The following HDAC4 variants were observed in gnomAD, a reference collection of about 807,000 sequenced individuals.
HDAC4 encodes histone deacetylase 4, also known as histone deacetylase A.
Under a neutral mutation model 135.1 loss-of-function variants are expected in HDAC4, and 16 were observed. The ratio of observed to expected loss-of-function variants is 0.12; its 90% CI spans 0.08 to 0.18. The LOEUF (loss-of-function observed/expected upper bound fraction) is 0.18, where lower values mean the gene tolerates loss of function less well. HDAC4 is among the 10% of genes least tolerant of loss of function. The pLI, the probability that HDAC4 is intolerant of heterozygous loss-of-function variation, is 1.00. For missense variants in HDAC4, 1,143 were observed against 1,511.8 expected (o/e 0.76, Z 4.05); for synonymous variants, 685 against 653.4 (o/e 1.05, Z -0.74).
chr2:239,250,912 G>A (rs2048749503), intron 2 of HDAC4, among the ~76,000 whole-genome samples: 1 of 152,194 alleles, frequency 6.6e-6, no homozygotes, highest in Non-Finnish European at 1.5e-5. Flanking sequence ...CCCCTCTGCA[G>A]ACCCGGGGAA....
chr2:239,055,909 A>G (rs1376941598), intron 24 of HDAC4, among the ~76,000 whole-genome samples: 1 of 152,196 alleles, frequency 6.6e-6, no homozygotes, highest in Non-Finnish European at 1.5e-5. Context: ...CTGGGGCTGG[A>G]AAGACCACTG....
At position 239,373,231 on chromosome 2, in the gene HDAC4, C is replaced by G. The variant is rs558272723; in HGVS notation, c.-219-20313G>C. Among the ~76,000 whole-genome samples the G allele has an allele frequency of 5.3e-5, 8 of 152,292 alleles. No homozygotes were observed. The South Asian group carries it at 1.7e-3, about 32-fold the overall frequency. ...CCAGCCATGCCCGACACTGCTGCGGCCTCTACATCCTCCCTTGTAATGGAC... is the reference window on the plus strand; with the variant it reads ...CCAGCCATGCCCGACACTGCTGCGGGCTCTACATCCTCCCTTGTAATGGAC... On this transcript the variant is annotated intron_variant, in intron 1 of 26. Transcript: ENST00000543185.
At chr2:239,339,582 G>A (rs1007681984) in intron 2 of HDAC4, among the ~76,000 whole-genome samples, 2 of 152,222 alleles carry the variant, frequency 1.3e-5, no homozygotes, top group African/African-American at 4.8e-5. Context: ...TGTTCATGAA[G>A]ATAGTACTGA....
rs1363528912 is a variant in HDAC4 at position 239,285,711 on chromosome 2, A to C, written c.23-49047T>G. Among the ~76,000 whole-genome samples the C allele has an allele frequency of 6.6e-6, 1 of 152,204 alleles. No individual in the cohort carries two copies. The highest frequency in any genetic ancestry group is 1.9e-4 in the East Asian group (1 of 5,196). Reference sequence around the variant, plus strand: ...CACACTGCTGGGCTCACCAGCAGTAAGGAAACCCTCCAACAAGCCAGAAAT... The same window carrying C: ...CACACTGCTGGGCTCACCAGCAGTACGGAAACCCTCCAACAAGCCAGAAAT... On this transcript the variant is annotated intron_variant, in intron 2 of 26. Transcript: ENST00000543185. The surrounding 1 kb of genome is among the most constrained non-coding windows in gnomAD (Gnocchi z 4.5).
At chr2:239,397,413 C>T (rs1696637592) in intron 1 of HDAC4, among the ~76,000 whole-genome samples, 1 of 152,212 alleles carries the variant, frequency 6.6e-6, no homozygotes, top group Non-Finnish European at 1.5e-5. Flanking sequence ...CTGCTCGTGG[C>T]ATCATCTCCT....
intron 2 of HDAC4, among the ~76,000 whole-genome samples, chr2:239,277,875 C>T (rs570717134): frequency 1.3e-5 from 2 of 152,208 alleles, no homozygotes; most frequent in African/African-American, 4.8e-5. Context: ...GAATACTCTC[C>T]GCTCAGCAGG....
chr2:239,101,801 C>A, intron 16 of HDAC4, among the ~76,000 whole-genome samples: 1 of 152,134 alleles, frequency 6.6e-6, no homozygotes, highest in East Asian at 2.0e-4. Flanking sequence ...CCTGGAAGCC[C>A]CCGACCCTGG....
intron 24 of HDAC4, among the ~76,000 whole-genome samples, chr2:239,064,586 A>G (rs1053022706): frequency 1.3e-5 from 2 of 152,158 alleles, no homozygotes; most frequent in Non-Finnish European, 2.9e-5. Context: ...CCCTGCTCTC[A>G]AGAGCAGACC....
At chr2:239,254,555 T>C (rs2048955637) in intron 2 of HDAC4, among the ~76,000 whole-genome samples, 2 of 151,730 alleles carry the variant, frequency 1.3e-5, no homozygotes, top group African/African-American at 2.4e-5. Flanking sequence ...TAGTTAAAGA[T>C]AAAAACAGCA....
chr2:239,285,176 G>A lies in HDAC4; in HGVS notation c.23-48512C>T, dbSNP rs1185664948. 1.3e-5 allele frequency among the ~76,000 whole-genome samples: 2 copies of A among 152,172 alleles called. No homozygotes were observed. The highest frequency in any genetic ancestry group is 2.4e-5 in the African/African-American group (1 of 41,434). On this transcript the variant is annotated intron_variant, in intron 2 of 26. Coordinates refer to ENST00000543185, the MANE Select transcript of HDAC4 (RefSeq NM_001378414.1). The surrounding 1 kb of genome is among the most constrained non-coding windows in gnomAD (Gnocchi z 4.5). ...AGACTGCAGATGGTACAGAGAAAGC[G>A]TTACACAGTGAGAAAACAGGCAGCT...
chr2:239,277,534 G>A (rs1328432057), intron 2 of HDAC4, among the ~76,000 whole-genome samples: 2 of 152,174 alleles, frequency 1.3e-5, no homozygotes, highest in Non-Finnish European at 2.9e-5. Flanking sequence ...ATCATCACAC[G>A]TTCTGTACTC....
chr2:239,157,609 C>T (rs1435439611), intron 6 of HDAC4, among the ~76,000 whole-genome samples: 3 of 152,214 alleles, frequency 2.0e-5, no homozygotes, highest in Non-Finnish European at 4.4e-5. Context: ...CAGTCTTGCT[C>T]AAAACACTGT....
chr2:239,074,526 C>A (rs2034535843), intron 22 of HDAC4, among the ~76,000 whole-genome samples: 2 of 152,258 alleles, frequency 1.3e-5, no homozygotes, highest in African/African-American at 4.8e-5. Flanking sequence ...AAGATGAGCC[C>A]AGGCTCGTGG....
chr2:239,054,791 C>A lies in HDAC4; in HGVS notation c.3046G>T (p.Ala1016Ser). The A allele has an allele frequency of 1.2e-6, 2 of 1,613,720 alleles. No individual in the cohort carries two copies. The highest frequency in any genetic ancestry group is 1.7e-6 in the Non-Finnish European group (2 of 1,179,688). ...TTCTCCATGGAACGGACAGCGTTTG[C>A]ATTGGGTCTTTGCTGTAAAACCTTT... ...PEKVLQQRPN[A>S]NAVRSMEKVM... Residue 1016 changes from alanine (A) to serine (S), a missense_variant, in exon 25 of 27, where the codon GCA (alanine) becomes TCA (serine). This residue lies in a region of HDAC4 where 131 missense variants were observed against 130.6 expected (regional missense o/e 1.00). Coordinates refer to ENST00000543185, the MANE Select transcript of HDAC4 (RefSeq NM_001378414.1).
Position 239,245,411 on chromosome 2 carries a change from A to T in HDAC4, c.23-8747T>A, listed in dbSNP as rs1178665962. 6.6e-6 allele frequency among the ~76,000 whole-genome samples: 1 copy of T among 152,196 alleles called. No homozygotes were observed. The highest frequency in any genetic ancestry group is 1.5e-5 in the Non-Finnish European group (1 of 68,028). ...CGATGTTTTGGTCTGGATTTGAACA[A>T]CTGGCTGTAAAAAGACAGTTTTTAA... On this transcript the variant is annotated intron_variant, in intron 2 of 26. Transcript: ENST00000543185. The surrounding 1 kb of genome is among the most constrained non-coding windows in gnomAD (Gnocchi z 4.4).
intron 2 of HDAC4, among the ~76,000 whole-genome samples, chr2:239,347,805 G>A (rs1253148804): frequency 1.3e-5 from 2 of 152,154 alleles, no homozygotes; most frequent in African/African-American, 2.4e-5. Flanking sequence ...TTGAGCCACC[G>A]CACCCGGCCA....
chr2:239,247,353 A>G (rs2048525778), intron 2 of HDAC4, among the ~76,000 whole-genome samples: 1 of 152,222 alleles, frequency 6.6e-6, no homozygotes, highest in South Asian at 2.1e-4. Flanking sequence ...TGTGGGAGGC[A>G]GTCCTGCAGG....
chr2:239,141,024 C>T lies in HDAC4; in HGVS notation c.866-1228G>A, dbSNP rs1053141517. On this transcript the variant is annotated intron_variant, in intron 8 of 26. Transcript: ENST00000543185. This position sits in a 1 kb window ranked among gnomAD's most constrained non-coding sequence, Gnocchi z 4.9. ...TGATTCCAAACTTTGCCTTTATTAG[C>T]TCATCCATCTCTCAGTCACTGTTTG... 2 of 348,258 alleles carry T rather than the reference C, an allele frequency of 5.7e-6. No individual in the cohort carries two copies. Among genetic ancestry groups the T allele is most frequent in the Non-Finnish European group, 1.2e-5 (2 of 160,376 alleles). 21.6% of individuals were successfully genotyped at this position (348,258 alleles called of 1,614,324 possible).
intron 22 of HDAC4, among the ~76,000 whole-genome samples, chr2:239,074,502 A>C (rs1476114028): frequency 6.6e-6 from 1 of 152,262 alleles, no homozygotes; most frequent in Non-Finnish European, 1.5e-5. Context: ...AAAGCCAGTC[A>C]AAACAAAATG....
Sources: gnomAD v4.1 joint callset for allele counts (sites outside exome capture counted in the v4.1 genomes callset) on GRCh38, gnomAD v4.1.1 for gene constraint, gnomAD v4.1.1 regional missense constraint, Gnocchi (gnomAD v3.1) non-coding constraint, MANE v1.5 for transcripts, NCBI Gene and HGNC (gene_info 2026-07-23, HGNC 2026-07-21) for gene names.